JPH3: variants seen among roughly 807,000 people sequenced by gnomAD.
JPH3 encodes junctophilin-3.
Under a neutral mutation model 59.6 loss-of-function variants are expected in JPH3, and 11 were observed. That is an observed-to-expected ratio of 0.18 (90% CI 0.12 to 0.31). The LOEUF (loss-of-function observed/expected upper bound fraction) is 0.31, where lower values mean the gene tolerates loss of function less well. Ranked by LOEUF, JPH3 falls within the 10% of genes least tolerant of loss-of-function variation. JPH3 has a pLI of 1.00. For synonymous variants in JPH3, 673 were observed against 483.6 expected (o/e 1.39, Z -5.14); for missense variants, 1,202 against 1,105.7 (o/e 1.09, Z -1.24).
chr16:87,653,909 A>G (rs551041597), intron 2 of JPH3: 3 of 152,234 alleles, frequency 2.0e-5, no homozygotes, highest in Non-Finnish European at 4.4e-5. Context: ...CCTGCCCACG[A>G]CACTCGCCTC....
At chr16:87,628,456 G>C (rs2031456068) in intron 1 of JPH3, among the ~76,000 whole-genome samples, 1 of 152,246 alleles carries the variant, frequency 6.6e-6, no homozygotes, top group Admixed American at 6.5e-5. Flanking sequence ...ATCAGAGCCG[G>C]AGCTGGCCTT....
At chr16:87,635,391 G>A (rs1374132977) in intron 1 of JPH3, among the ~76,000 whole-genome samples, 1 of 152,206 alleles carries the variant, frequency 6.6e-6, no homozygotes. Context: ...AAACAAGGGT[G>A]TGAGATGTGC....
At chr16:87,677,107 T>C (rs990812765) in intron 2 of JPH3, among the ~76,000 whole-genome samples, 9 of 148,244 alleles carry the variant, frequency 6.1e-5, no homozygotes, top group Non-Finnish European at 1.2e-4. Context: ...TACAGTGAGC[T>C]GAGATCGTGC....
At chr16:87,659,892 T>G (rs548905078) in intron 2 of JPH3, among the ~76,000 whole-genome samples, 1 of 152,054 alleles carries the variant, frequency 6.6e-6, no homozygotes, top group Non-Finnish European at 1.5e-5. Flanking sequence ...CCAGGTTCCC[T>G]CCCCCAGCCT....
chr16:87,626,166 A>G (rs1449041378), intron 1 of JPH3, among the ~76,000 whole-genome samples: 1 of 151,852 alleles, frequency 6.6e-6, no homozygotes, highest in Admixed American at 6.6e-5. Flanking sequence ...CTGTGGGGCC[A>G]CTCCCATTGC....
intron 1 of JPH3, among the ~76,000 whole-genome samples, chr16:87,643,603 C>T (rs747959433): frequency 6.6e-6 from 1 of 152,202 alleles, no homozygotes; most frequent in African/African-American, 2.4e-5. Context: ...CATTAGCCTC[C>T]TAACCCAGGA....
intron 4 of JPH3, among the ~76,000 whole-genome samples, chr16:87,692,311 C>A (rs1002006610): frequency 1.3e-5 from 2 of 152,044 alleles, no homozygotes; most frequent in African/African-American, 4.8e-5. Context: ...AGCACTGTTC[C>A]AGGCCCTGTT....
intron 1 of JPH3, among the ~76,000 whole-genome samples, chr16:87,626,822 A>C (rs531658805): frequency 6.6e-5 from 10 of 152,330 alleles, no homozygotes; most frequent in African/African-American, 2.4e-4. Context: ...GCTCTTCAGC[A>C]GCAAGAGTGT....
At chr16:87,623,452 C>T (rs907220452) in intron 1 of JPH3, among the ~76,000 whole-genome samples, 2 of 152,208 alleles carry the variant, frequency 1.3e-5, no homozygotes, top group African/African-American at 4.8e-5. Flanking sequence ...GGGGACATGC[C>T]GTTTCCATGA....
intron 1 of JPH3, among the ~76,000 whole-genome samples, chr16:87,616,693 G>A (rs1276260409): frequency 6.6e-6 from 1 of 152,172 alleles, no homozygotes; most frequent in African/African-American, 2.4e-5. Flanking sequence ...TGACATGTCG[G>A]AACCGGATAT....
intron 2 of JPH3, among the ~76,000 whole-genome samples, chr16:87,668,648 G>A (rs1486728610): frequency 2.0e-5 from 3 of 152,186 alleles, no homozygotes; most frequent in Non-Finnish European, 4.4e-5. Flanking sequence ...GTGTTAGGTC[G>A]TGTGCCTGCT....
At chr16:87,647,065 A>G (rs887933702) in intron 2 of JPH3, among the ~76,000 whole-genome samples, 10 of 152,120 alleles carry the variant, frequency 6.6e-5, no homozygotes, top group Non-Finnish European at 1.2e-4. Flanking sequence ...CTAATCTCTG[A>G]AGGCCTGTGA....
chr16:87,655,220 T>C (rs1174593029), intron 2 of JPH3, among the ~76,000 whole-genome samples: 2 of 152,230 alleles, frequency 1.3e-5, no homozygotes, highest in Non-Finnish European at 2.9e-5. Context: ...CCAGGGCCCT[T>C]GGGCTGCATA....
At chr16:87,623,206 C>T (rs1356739099) in intron 1 of JPH3, among the ~76,000 whole-genome samples, 2 of 152,226 alleles carry the variant, frequency 1.3e-5, no homozygotes, top group Admixed American at 6.5e-5. Context: ...CCTGCAAGGA[C>T]CTCAGCACCT....
intron 2 of JPH3, among the ~76,000 whole-genome samples, chr16:87,657,810 C>T (rs779983238): frequency 2.7e-4 from 41 of 152,190 alleles, no homozygotes; most frequent in African/African-American, 8.9e-4. Flanking sequence ...GGCCAAAACT[C>T]GGTTACGTGA....
intron 2 of JPH3, among the ~76,000 whole-genome samples, chr16:87,658,151 G>T (rs1376048866): frequency 6.6e-6 from 1 of 152,178 alleles, no homozygotes; most frequent in Non-Finnish European, 1.5e-5. Context: ...CAACCTGGGT[G>T]CAGGGCAGGT....
intron 2 of JPH3, among the ~76,000 whole-genome samples, chr16:87,656,099 C>G (rs923570070): frequency 1.3e-5 from 2 of 152,222 alleles, no homozygotes; most frequent in Non-Finnish European, 2.9e-5. Flanking sequence ...CGTGAACTTC[C>G]CTTCCTGAGC....
chr16:87,629,159 T>C (rs1365442574), intron 1 of JPH3, among the ~76,000 whole-genome samples: 1 of 152,024 alleles, frequency 6.6e-6, no homozygotes, highest in Non-Finnish European at 1.5e-5. Flanking sequence ...GGGAAGTGAC[T>C]CCATGCCTGC....
At chr16:87,653,671 T>C (rs1477157070) in intron 2 of JPH3, 2 of 152,226 alleles carry the variant, frequency 1.3e-5, no homozygotes, top group Non-Finnish European at 2.9e-5. Context: ...ACAGTTCTCA[T>C]CACGGGTGTG....
Sources: allele counts gnomAD v4.1 joint callset (sites outside exome capture counted in the v4.1 genomes callset), GRCh38; gene constraint gnomAD v4.1.1; transcripts MANE v1.5; gene names NCBI Gene and HGNC (gene_info 2026-07-23, HGNC 2026-07-21).